C2orf68: variants seen among roughly 807,000 people sequenced by gnomAD.
C2orf68 encodes chromosome 2 open reading frame 68, also known as UPF0561 protein C2orf68.
Under a neutral mutation model 19.1 loss-of-function variants are expected in C2orf68, and 15 were observed. That is an observed-to-expected ratio of 0.79 (90% CI 0.53 to 1.21). The LOEUF is 1.21. Ranked by LOEUF, C2orf68 falls within the 50% of genes most tolerant of loss-of-function variation. The probability of loss-of-function intolerance (pLI) is 0.00; values close to 1 mark genes in which losing one functional copy is unlikely to be tolerated. For synonymous variants in C2orf68, 98 were observed against 91.0 expected, an observed-to-expected ratio of 1.08 and a Z score of -0.44; for missense variants, 242 against 226.6, an observed-to-expected ratio of 1.07 and a Z score of -0.44.
intron 2 of C2orf68, chr2:85,610,285 G>A: frequency 6.6e-6 from 1 of 152,254 alleles, no homozygotes. Context: ...AAACTGCTAG[G>A]ATCACAGGCA....
intron 2 of C2orf68, 24 bp from the exon 3 acceptor site, chr2:85,609,610 AAAG>A: frequency 1.2e-6 from 2 of 1,613,542 alleles, no homozygotes; most frequent in Non-Finnish European, 1.7e-6. Flanking sequence ...CCACAGTAAG[AAAG>A]AAGAGGGGGG....
chr2:85,605,363 T>C lies in C2orf68; in HGVS notation c.*3582A>G, dbSNP rs1342907919. ...ACACTACATTTTATTCATCTACACA[T>C]TGGAAATGAGTAAACTGGTGAACAT... On this transcript the variant is annotated 3_prime_UTR_variant, in exon 4 of 4. Coordinates refer to ENST00000306336, the MANE Select transcript of C2orf68 (RefSeq NM_001013649.4). 6.6e-6 allele frequency among the ~76,000 whole-genome samples: 1 copy of C among 152,204 alleles called. No individual in the cohort carries two copies. The highest frequency in any genetic ancestry group is 1.5e-5 in the Non-Finnish European group (1 of 68,038).
chr2:85,609,451 G>A lies in C2orf68; in HGVS notation c.362C>T (p.Ser121Leu), dbSNP rs763143275. The A allele has an allele frequency of 2.5e-6, 4 of 1,614,218 alleles. No homozygotes were observed. Among genetic ancestry groups the A allele is most frequent in the Non-Finnish European group, 8.5e-7 (1 of 1,180,046 alleles). The change falls in exon 3 of 4, where the codon TCA becomes TTA. Residue 121 changes from serine to leucine, a missense_variant. Coordinates refer to ENST00000306336, the MANE Select transcript of C2orf68 (RefSeq NM_001013649.4). ...CAGGCGTACCTGATAGACGATAACT[G>A]ATGTGACCTCTCCACTGTCTGCCTC... ...EYEADSGEVT[S>L]VIVYQGDDPG...
In C2orf68 at chr2:85,606,162, T is replaced by TTG. The variant is rs574909780; in HGVS notation, c.*2781_*2782dup. Among the ~76,000 whole-genome samples the TTG allele has an allele frequency of 3.9e-5, 6 of 152,008 alleles. No homozygotes were observed. The highest frequency in any genetic ancestry group is 6.6e-5 in the Admixed American group (1 of 15,248). The stretch of plus-strand genomic sequence containing the variant: ...ATGGGCATGAGATATGCCTATCAGA[T>TTG]TGTGTGTGTGTGCGCGTTTTTTAAA... On this transcript the variant is annotated 3_prime_UTR_variant, in exon 4 of 4. Transcript: ENST00000306336.
At position 85,608,601 on chromosome 2, in the gene C2orf68, T is replaced by C. The variant is rs1341705937; in HGVS notation, c.*344A>G. 5.2e-6 allele frequency: 1 copy of C among 191,484 alleles called. No homozygotes were observed. Among genetic ancestry groups the C allele is most frequent in the Admixed American group, 6.5e-5 (1 of 15,326 alleles). 11.9% of individuals were successfully genotyped at this position (191,484 alleles called of 1,614,324 possible). ...TGAGTGGAACAGCAGCAGCCAGGCATATGACCTCGGTGAGAAAGCACCATG... is the reference window on the plus strand; with the variant it reads ...TGAGTGGAACAGCAGCAGCCAGGCACATGACCTCGGTGAGAAAGCACCATG... On this transcript the variant is annotated 3_prime_UTR_variant, in exon 4 of 4. Transcript: ENST00000306336.
At chr2:85,610,366 C>T (rs1673432055) in intron 2 of C2orf68, 1 of 152,208 alleles carries the variant, frequency 6.6e-6, no homozygotes, top group South Asian at 2.1e-4. Flanking sequence ...ACCTTTGCAT[C>T]CCTGCTCTGA....
intron 2 of C2orf68, among the ~76,000 whole-genome samples, chr2:85,609,873 G>A (rs1558838529): frequency 3.3e-5 from 5 of 152,050 alleles, no homozygotes; most frequent in African/African-American, 1.2e-4. Context: ...TAGAGATGGG[G>A]TTTTACCATG....
At position 85,611,413 on chromosome 2, in the gene C2orf68, G is replaced by A. The variant is rs1396503767; in HGVS notation, c.226+255C>T. 6 of 1,505,382 alleles carry A rather than the reference G, an allele frequency of 4.0e-6. No individual in the cohort carries two copies. The Admixed American group carries it at 1.1e-4, about 28-fold the overall frequency. The allele number at this position is 1,505,382 out of a possible 1,614,324, so 93.3% of individuals were successfully genotyped here. On this transcript the variant is annotated intron_variant, in intron 2 of 3. Transcript: ENST00000306336. ...GCACCTTACTAAAATACAGCACGGT[G>A]GGGCAAACCGGCAGATAAACTTCTT...
chr2:85,611,190 A>G, intron 2 of C2orf68: 1 of 1,091,072 alleles, frequency 9.2e-7, no homozygotes, highest in Non-Finnish European at 1.1e-6. Context: ...CCTGGGCGAC[A>G]GAGACCTAGT....
intron 2 of C2orf68, chr2:85,611,281 C>G: frequency 7.1e-7 from 1 of 1,414,648 alleles, no homozygotes; most frequent in Non-Finnish European, 9.2e-7. Flanking sequence ...CCAGTGTGAT[C>G]TCTAGGTAGC....
chr2:85,611,308 G>A (rs1019171264), intron 2 of C2orf68: 1 of 1,421,968 alleles, frequency 7.0e-7, no homozygotes, highest in Non-Finnish European at 9.1e-7. Flanking sequence ...GCTGGGGAAA[G>A]GCCATTTACT....
Position 85,609,444 on chromosome 2 carries a change from G to A in C2orf68, c.369C>T (p.Ile123=), listed in dbSNP as rs375450706. The A allele has an allele frequency of 2.5e-6, 4 of 1,614,134 alleles. No individual in the cohort carries two copies. Among genetic ancestry groups the A allele is most frequent in the East Asian group, 2.2e-5 (1 of 44,880 alleles). ...TTTCCACCAGGCGTACCTGATAGAC[G>A]ATAACTGATGTGACCTCTCCACTGT... ...EADSGEVTSV[I]VYQGDDPGKV... Residue 123 remains isoleucine (I), a synonymous_variant, in exon 3 of 4, where the codon ATC becomes ATT. Transcript: ENST00000306336.
rs1456092327 is a variant in C2orf68, at chr2:85,611,691, T to A, written c.203A>T (p.Gln68Leu). ...ACCTCGGTGTCGCGGCAGGTACACCTGCAGGTCTGGCTTGCGGGGCCGCGT... is the reference window on the plus strand; with the variant it reads ...ACCTCGGTGTCGCGGCAGGTACACCAGCAGGTCTGGCTTGCGGGGCCGCGT... The part of the protein sequence containing the change: ...APTRPRKPDL[Q>L]VYLPRHRDVS... Residue 68 changes from glutamine (Q) to leucine (L), a missense_variant, in exon 2 of 4, where the codon CAG becomes CTG. Physicochemically the swap from Gln to Leu is moderately radical, Grantham distance 113. Transcript: ENST00000306336. 14 of 1,576,690 alleles carry A rather than the reference T, an allele frequency of 8.9e-6. No individual in the cohort carries two copies. Among genetic ancestry groups the A allele is most frequent in the Non-Finnish European group, 1.2e-5 (14 of 1,162,466 alleles).
chr2:85,609,038 C>T lies in C2orf68; in HGVS notation c.408G>A (p.Lys136=). 1 of 1,614,252 alleles carries T rather than the reference C, an allele frequency of 6.2e-7. No individual in the cohort carries two copies. Residue 136 remains lysine (K), a synonymous_variant, in exon 4 of 4, where the codon AAG becomes AAA. Transcript: ENST00000306336. ...QGDDPGKVSE[K]VSAHTPLDPP... ...GATCCAGAGGCGTGTGTGCCGACACCTTCTCACTCACCTTTCCTGGGTCAT... is the reference window on the plus strand; with the variant it reads ...GATCCAGAGGCGTGTGTGCCGACACTTTCTCACTCACCTTTCCTGGGTCAT...
At position 85,612,040 on chromosome 2, in the gene C2orf68, C is replaced by A. The variant is rs957294912; in HGVS notation, c.-56G>T. The A allele has an allele frequency of 3.1e-6, 4 of 1,285,432 alleles. No homozygotes were observed. Among genetic ancestry groups the A allele is most frequent in the East Asian group, 2.6e-5 (1 of 38,918 alleles). 79.6% of individuals were successfully genotyped at this position (1,285,432 alleles called of 1,614,324 possible). A position where few individuals can be genotyped will look rare whatever the true frequency, so the allele number is the denominator to read the frequency against. On this transcript the variant is annotated 5_prime_UTR_variant, in exon 1 of 4. Transcript: ENST00000306336. ...CTCGACGGCCCCAACAACAGCCACCCGCCCACAGAGCTCCGCGCCGCCCCT... is the reference window on the plus strand; with the variant it reads ...CTCGACGGCCCCAACAACAGCCACCAGCCCACAGAGCTCCGCGCCGCCCCT...
At position 85,609,035 on chromosome 2, in the gene C2orf68, C is replaced by T. The variant is rs956697443; in HGVS notation, c.411G>A (p.Val137=). 8 of 1,614,134 alleles carry T rather than the reference C, an allele frequency of 5.0e-6. No homozygotes were observed. In the African/African-American group the frequency reaches 1.1e-4, roughly 22 times the overall value. ...GTGGATCCAGAGGCGTGTGTGCCGA[C>T]ACCTTCTCACTCACCTTTCCTGGGT... ...GDDPGKVSEK[V]SAHTPLDPPM... The change falls in exon 4 of 4, where the codon GTG becomes GTA. Residue 137 remains valine (V), a synonymous_variant. Transcript: ENST00000306336.
chr2:85,609,360 CAG>C, intron 3 of C2orf68, 73 bp downstream of exon 3: 1 of 1,553,524 alleles, frequency 6.4e-7, no homozygotes, highest in Middle Eastern at 1.7e-4. Context: ...CTGAGGAAAA[CAG>C]GGCTCAGGGT....
In C2orf68 at chr2:85,611,664, T is replaced by A. The variant is rs1673538890; in HGVS notation, c.226+4A>T. The stretch of plus-strand genomic sequence containing the variant: ...CTGGAGGCAGGCGGGGCGGGCGGCC[T>A]CACCTCGGTGTCGCGGCAGGTACAC... On this transcript the variant is annotated splice_donor_region_variant and intron_variant, in intron 2 of 3. Transcript: ENST00000306336. 8 of 1,557,658 alleles carry A rather than the reference T, an allele frequency of 5.1e-6. No individual in the cohort carries two copies. The highest frequency in any genetic ancestry group is 6.9e-6 in the Non-Finnish European group (8 of 1,151,242).
chr2:85,609,729 T>C, intron 2 of C2orf68, 143 bp from the exon 3 acceptor site: 1 of 1,073,538 alleles, frequency 9.3e-7, no homozygotes, highest in Non-Finnish European at 1.3e-6. Flanking sequence ...TCGCCCAGGC[T>C]GGAGTGCAGT....
Sources: allele counts gnomAD v4.1 joint callset (sites outside exome capture counted in the v4.1 genomes callset), GRCh38; gene constraint gnomAD v4.1.1; transcripts MANE v1.5; gene names NCBI Gene and HGNC (gene_info 2026-07-23, HGNC 2026-07-21).